KLRD1: variants seen among roughly 807,000 people sequenced by gnomAD.
KLRD1 encodes killer cell lectin like receptor D1.
Under a neutral mutation model 22.6 loss-of-function variants are expected in KLRD1, and 21 were observed. That is an observed-to-expected ratio of 0.93 (90% CI 0.66 to 1.34). The LOEUF (loss-of-function observed/expected upper bound fraction) is 1.34. Among genes scored for constraint, KLRD1 ranks in the 40% most tolerant of loss-of-function variants. The probability of loss-of-function intolerance (pLI) is 0.00; values close to 1 mark genes in which losing one functional copy is unlikely to be tolerated. For missense variants in KLRD1, 183 were observed against 208.6 expected (o/e 0.88, Z 0.76); for synonymous variants, 59 against 71.1 (o/e 0.83, Z 0.85).
chr12:10,240,383 T>TGC (rs1220053321), intron 1 of KLRD1, among the ~76,000 whole-genome samples: 1 of 149,218 alleles, frequency 6.7e-6, no homozygotes, highest in African/African-American at 2.5e-5. Context: ...TCTACATGCC[T>TGC]TTTTTTTTTC....
intron 1 of KLRD1, among the ~76,000 whole-genome samples, chr12:10,275,475 A>G (rs576017292): frequency 2.0e-5 from 3 of 152,298 alleles, no homozygotes; most frequent in Non-Finnish European, 2.9e-5. Flanking sequence ...TGTTAATGCA[A>G]CCTGCAAATC....
At chr12:10,288,190 C>G (rs1949727844) in intron 1 of KLRD1, among the ~76,000 whole-genome samples, 1 of 150,652 alleles carries the variant, frequency 6.6e-6, no homozygotes, top group East Asian at 1.9e-4. Context: ...TTACAGTGAG[C>G]CGATATTGCG....
At position 10,307,885 on chromosome 12, in the gene KLRD1, CA is replaced by C. The variant is rs1949959369; in HGVS notation, c.-192del. The C allele has an allele frequency of 3.3e-6, 2 of 597,270 alleles. No individual in the cohort carries two copies. Among genetic ancestry groups the C allele is most frequent in the Admixed American group, 2.9e-5 (1 of 35,052 alleles). 37.0% of individuals were successfully genotyped at this position (597,270 alleles called of 1,614,324 possible). A position where few individuals can be genotyped will look rare whatever the true frequency, so the allele number is the denominator to read the frequency against. On this transcript the variant is annotated 5_prime_UTR_variant, in exon 1 of 6. The change abolishes an upstream ATG in the 5' untranslated region. Coordinates refer to ENST00000336164, the MANE Select transcript of KLRD1 (RefSeq NM_002262.5). Reference sequence around the variant, plus strand: ...ACTGCTTCTTATTCACACTATAATACATGTCTCACCAATAGATGATTCAAGA... The same window carrying C: ...ACTGCTTCTTATTCACACTATAATACTGTCTCACCAATAGATGATTCAAGA...
intron 1 of KLRD1, among the ~76,000 whole-genome samples, chr12:10,293,354 T>C (rs1381217534): frequency 6.6e-6 from 1 of 151,162 alleles, no homozygotes; most frequent in African/African-American, 2.4e-5. Flanking sequence ...GTAAGAGATG[T>C]GTGACTCTTC....
At chr12:10,311,326 A>T in intron 3 of KLRD1, 138 bp from the exon 4 acceptor site, 1 of 598,512 alleles carries the variant, frequency 1.7e-6, no homozygotes, top group Non-Finnish European at 2.8e-6. Flanking sequence ...TCACATTAGT[A>T]GCCCCTGAAG....
At chr12:10,270,677 A>G (rs1949540861) in intron 1 of KLRD1, among the ~76,000 whole-genome samples, 1 of 152,164 alleles carries the variant, frequency 6.6e-6, no homozygotes, top group African/African-American at 2.4e-5. Context: ...TGATGTAGAT[A>G]TGCGCTGTTT....
intron 1 of KLRD1, among the ~76,000 whole-genome samples, chr12:10,288,688 C>A (rs1320087990): frequency 6.6e-6 from 1 of 151,880 alleles, no homozygotes; most frequent in East Asian, 1.9e-4. Flanking sequence ...AAAGTAAACT[C>A]AAAAATTTTT....
chr12:10,325,655 T>C lies in KLRD1; in HGVS notation c.*10862T>C, dbSNP rs935813762. ...GACTTGTTTATTTCATTTAGCATAA[T>C]GTCCTCAAGTTTCATCCACATTGTT... On this transcript the variant is annotated 3_prime_UTR_variant, in exon 6 of 6. Coordinates refer to ENST00000336164, the MANE Select transcript of KLRD1 (RefSeq NM_002262.5). 1 of 152,254 alleles carries C rather than the reference T, an allele frequency of 6.6e-6. No homozygotes were observed. The highest frequency in any genetic ancestry group is 1.5e-5 in the Non-Finnish European group (1 of 68,044). 9.4% of individuals were successfully genotyped at this position (152,254 alleles called of 1,614,324 possible).
intron 1 of KLRD1, among the ~76,000 whole-genome samples, chr12:10,281,216 GAC>G (rs1404700522): frequency 6.6e-6 from 1 of 152,164 alleles, no homozygotes; most frequent in Admixed American, 6.5e-5. Context: ...AAGCTGGAAA[GAC>G]AAAACCACAA....
intron 1 of KLRD1, among the ~76,000 whole-genome samples, chr12:10,274,235 G>A (rs531390754): frequency 1.6e-4 from 25 of 152,110 alleles, no homozygotes; most frequent in African/African-American, 4.8e-4. Flanking sequence ...AGCTGAGATC[G>A]CGCCATTGCA....
Position 10,324,274 on chromosome 12 carries a change from G to C in KLRD1, c.*9481G>C, listed in dbSNP as rs1047387908. The C allele has an allele frequency of 6.6e-6, 1 of 152,146 alleles. No homozygotes were observed. Among genetic ancestry groups the C allele is most frequent in the African/African-American group, 2.4e-5 (1 of 41,410 alleles). 9.4% of individuals were successfully genotyped at this position (152,146 alleles called of 1,614,324 possible). A position where few individuals can be genotyped will look rare whatever the true frequency, so the allele number is the denominator to read the frequency against. On this transcript the variant is annotated 3_prime_UTR_variant, in exon 6 of 6. Coordinates refer to ENST00000336164, the MANE Select transcript of KLRD1 (RefSeq NM_002262.5). ...TTCGTTTTAGGTTCAGGGTATATAT[G>C]TAGGCTTCTTATATGAGTACATTGC...
At chr12:10,303,924 A>G (rs1320736619), upstream of KLRD1, among the ~76,000 whole-genome samples, 1 of 152,214 alleles carries the variant, frequency 6.6e-6, no homozygotes, top group African/African-American at 2.4e-5. Flanking sequence ...GTTCCTAGAT[A>G]TAAGAGAGGG....
At chr12:10,280,470 A>AT (rs1253310592) in intron 1 of KLRD1, among the ~76,000 whole-genome samples, 1 of 152,154 alleles carries the variant, frequency 6.6e-6, no homozygotes, top group Non-Finnish European at 1.5e-5. Context: ...TTGCAAATAG[A>AT]TTTTTTAGCT....
chr12:10,273,427 A>G (rs758732159), intron 1 of KLRD1, among the ~76,000 whole-genome samples: 11 of 152,156 alleles, frequency 7.2e-5, no homozygotes, highest in Non-Finnish European at 1.6e-4. Flanking sequence ...TGTATTTTTC[A>G]TATGTGGTTT....
intron 1 of KLRD1, among the ~76,000 whole-genome samples, chr12:10,288,750 T>C (rs942587659): frequency 2.1e-4 from 32 of 152,364 alleles, no homozygotes; most frequent in African/African-American, 6.5e-4. Flanking sequence ...CATACATCAC[T>C]ATGAAAGAAT....
rs1276827221 is a variant in KLRD1 at position 10,312,776 on chromosome 12, A to G, written c.316-634A>G. Among the ~76,000 whole-genome samples the G allele has an allele frequency of 2.0e-5, 3 of 150,108 alleles. No homozygotes were observed. The East Asian group carries it at 6.3e-4, about 31-fold the overall frequency. ...AGGCCGAGGAGGGCGGATCACAGTC[A>G]GGAGATCGAGACCATCCTGGCTAAC... On this transcript the variant is annotated intron_variant, in intron 4 of 5. Transcript: ENST00000336164.
intron 1 of KLRD1, among the ~76,000 whole-genome samples, chr12:10,265,950 A>G (rs758672141): frequency 2.6e-5 from 4 of 152,244 alleles, no homozygotes; most frequent in Non-Finnish European, 5.9e-5. Flanking sequence ...TAAAAAGTGA[A>G]GAACACCTCC....
At chr12:10,294,886 G>A (rs1000157462) in intron 1 of KLRD1, among the ~76,000 whole-genome samples, 5 of 152,094 alleles carry the variant, frequency 3.3e-5, no homozygotes, top group African/African-American at 7.2e-5. Context: ...GACTATATAC[G>A]TTATAGTAAG....
chr12:10,308,946 A>G (rs1040980227), intron 1 of KLRD1: 5 of 154,932 alleles, frequency 3.2e-5, no homozygotes, highest in African/African-American at 1.2e-4. Context: ...CCTTGAGAAA[A>G]TAACATTATT....
Sources: gnomAD v4.1 joint callset for allele counts (sites outside exome capture counted in the v4.1 genomes callset) on GRCh38, gnomAD v4.1.1 for gene constraint, MANE v1.5 for transcripts, NCBI Gene and HGNC (gene_info 2026-07-23, HGNC 2026-07-21) for gene names.